PHACTR1: variants seen among roughly 807,000 people sequenced by gnomAD.
PHACTR1 encodes RPEL repeat containing 1.
PHACTR1 carries 16 observed loss-of-function variants against 69.2 expected under a neutral mutation model. The observed-to-expected ratio is 0.23, with a 90% CI of 0.16 to 0.35. PHACTR1 has a LOEUF of 0.35. Among genes scored for constraint, PHACTR1 ranks in the 10% least tolerant of loss-of-function variants. The pLI, the probability that PHACTR1 is intolerant of heterozygous loss-of-function variation, is 1.00. For missense variants in PHACTR1, 510 were observed against 734.7 expected, an observed-to-expected ratio of 0.69 and a Z score of 3.54; for synonymous variants, 312 against 284.5, an observed-to-expected ratio of 1.10 and a Z score of -0.97.
At chr6:12,986,443 G>A (rs943878059) in intron 4 of PHACTR1, among the ~76,000 whole-genome samples, 1 of 152,106 alleles carries the variant, frequency 6.6e-6, no homozygotes, top group African/African-American at 2.4e-5. Context: ...AAGAATTCAC[G>A]GAGTGCTATG....
chr6:13,155,840 A>G (rs983715719), intron 5 of PHACTR1, among the ~76,000 whole-genome samples: 17 of 151,722 alleles, frequency 1.1e-4, no homozygotes, highest in African/African-American at 4.1e-4. Flanking sequence ...GTGAGCCATG[A>G]CCATGCCTCT....
chr6:12,754,556 G>A (rs1767058189), intron 4 of PHACTR1, among the ~76,000 whole-genome samples: 1 of 152,124 alleles, frequency 6.6e-6, no homozygotes, highest in South Asian at 2.1e-4. Flanking sequence ...CTCCTTCTGT[G>A]CTATATATAG....
intron 10 of PHACTR1, 152 bp downstream of exon 10, chr6:13,230,345 A>G: frequency 1.4e-6 from 2 of 1,474,160 alleles, no homozygotes; most frequent in Non-Finnish European, 1.8e-6. Flanking sequence ...TGAGGTCAGG[A>G]GTTCAAGACC....
intron 4 of PHACTR1, among the ~76,000 whole-genome samples, chr6:13,028,159 G>T (rs1441395595): frequency 2.6e-5 from 4 of 152,084 alleles, no homozygotes; most frequent in Admixed American, 6.5e-5. Context: ...TGTTTGTTTT[G>T]CAGAGTGCCA....
chr6:13,277,521 A>G (rs1435757169), intron 11 of PHACTR1, among the ~76,000 whole-genome samples: 4 of 152,196 alleles, frequency 2.6e-5, no homozygotes, highest in Non-Finnish European at 4.4e-5. Flanking sequence ...GGCACCAGAC[A>G]CAAGGACTAT....
At chr6:12,901,560 T>C (rs1485003003) in intron 4 of PHACTR1, among the ~76,000 whole-genome samples, 2 of 152,186 alleles carry the variant, frequency 1.3e-5, no homozygotes, top group Admixed American at 6.5e-5. Flanking sequence ...AATGGCACAA[T>C]CTTGGCTCAC....
At chr6:12,870,266 G>T (rs1269947463) in intron 4 of PHACTR1, among the ~76,000 whole-genome samples, 1 of 152,170 alleles carries the variant, frequency 6.6e-6, no homozygotes, top group Non-Finnish European at 1.5e-5. Context: ...GTCATTCAAA[G>T]ACATTCTTTG....
Position 12,960,458 on chromosome 6 carries a change from C to T in PHACTR1, c.251-92907C>T, listed in dbSNP as rs529668884. ...TTGTATTTCTCTAGATGAGAAGGCACGAGTGTCTGCGTGTTTTGGACAGAA... is the reference window on the plus strand; with the variant it reads ...TTGTATTTCTCTAGATGAGAAGGCATGAGTGTCTGCGTGTTTTGGACAGAA... On this transcript the variant is annotated intron_variant, in intron 4 of 14. Coordinates refer to ENST00000332995, the MANE Select transcript of PHACTR1 (RefSeq NM_030948.6). Among the ~76,000 whole-genome samples, 8 of 152,310 alleles carry T rather than the reference C, an allele frequency of 5.3e-5. No homozygotes were observed. The East Asian group carries it at 5.8e-4, about 11-fold the overall frequency.
chr6:13,175,785 C>T (rs746044920), intron 6 of PHACTR1, among the ~76,000 whole-genome samples: 20 of 152,112 alleles, frequency 1.3e-4, no homozygotes, highest in Non-Finnish European at 2.9e-4. Context: ...AGTTTCTGAA[C>T]CATGTGAGAA....
intron 4 of PHACTR1, among the ~76,000 whole-genome samples, chr6:12,995,243 T>TA (rs35830595): frequency 1.4e-3 from 199 of 139,264 alleles, no homozygotes; most frequent in East Asian, 3.9e-3. Context: ...TGACAACTAT[T>TA]AAAAAAAAAA....
chr6:12,941,490 G>A (rs1318165035), intron 4 of PHACTR1, among the ~76,000 whole-genome samples: 1 of 152,100 alleles, frequency 6.6e-6, no homozygotes, highest in African/African-American at 2.4e-5. Flanking sequence ...AGGTGGAGGG[G>A]CCTCATCACT....
chr6:13,190,196 G>GTTTTGTTT, intron 7 of PHACTR1, among the ~76,000 whole-genome samples: 1 of 31,858 alleles, frequency 3.1e-5, no homozygotes, highest in African/African-American at 1.0e-4. Context: ...GCTAATTTTT[G>GTTTTGTTT]TATTTTTTTT....
chr6:13,020,665 G>T (rs1172875513), intron 4 of PHACTR1, among the ~76,000 whole-genome samples: 1 of 152,112 alleles, frequency 6.6e-6, no homozygotes, highest in Non-Finnish European at 1.5e-5. Context: ...CCAGAGGAGG[G>T]CATTGAATGC....
chr6:13,253,866 C>T (rs4711949), intron 10 of PHACTR1, among the ~76,000 whole-genome samples: 11,451 of 152,288 alleles, frequency 0.075, 715 homozygotes, highest in Admixed American at 0.22. Flanking sequence ...AGGGCTAAGA[C>T]AGTAAAGGAG....
At chr6:12,905,511 T>C (rs1168419506) in intron 4 of PHACTR1, among the ~76,000 whole-genome samples, 2 of 152,134 alleles carry the variant, frequency 1.3e-5, no homozygotes, top group African/African-American at 4.8e-5. Context: ...GAACTGAGGG[T>C]GACACGGTCT....
chr6:13,259,469 C>T (rs1775621895), intron 10 of PHACTR1, among the ~76,000 whole-genome samples: 1 of 152,128 alleles, frequency 6.6e-6, no homozygotes, highest in African/African-American at 2.4e-5. Context: ...GTCATAGCCT[C>T]CAGAGAATAA....
At chr6:13,008,764 G>T (rs1036327284) in intron 4 of PHACTR1, among the ~76,000 whole-genome samples, 2 of 152,256 alleles carry the variant, frequency 1.3e-5, no homozygotes, top group Admixed American at 6.5e-5. Flanking sequence ...TTGCAGTTCT[G>T]GTTTTAACAT....
chr6:13,166,530 T>G lies in PHACTR1; in HGVS notation c.496+6246T>G, dbSNP rs143461350. Among the ~76,000 whole-genome samples the G allele has an allele frequency of 7.9e-5, 12 of 152,352 alleles. No individual in the cohort carries two copies. In the East Asian group the frequency reaches 2.3e-3, roughly 29 times the overall value. On this transcript the variant is annotated intron_variant, in intron 6 of 14. Coordinates refer to ENST00000332995, the MANE Select transcript of PHACTR1 (RefSeq NM_030948.6). Reference sequence around the variant, plus strand: ...TTCTGCATGTTCACATGACTTGGTTTATTCACTGCACCGGCGAAATCCAGA... The same window carrying G: ...TTCTGCATGTTCACATGACTTGGTTGATTCACTGCACCGGCGAAATCCAGA...
At chr6:13,185,028 G>A in intron 7 of PHACTR1, 1 of 1,338,874 alleles carries the variant, frequency 7.5e-7, no homozygotes, top group Non-Finnish European at 1.0e-6. Context: ...GTCTTCTGGG[G>A]CAAGCAGTCC....
Sources: allele counts gnomAD v4.1 joint callset (sites outside exome capture counted in the v4.1 genomes callset), GRCh38; gene constraint gnomAD v4.1.1; transcripts MANE v1.5; gene names NCBI Gene and HGNC (gene_info 2026-07-23, HGNC 2026-07-21).